TIMD4: variants seen among roughly 807,000 people sequenced by gnomAD.
The protein encoded by TIMD4 is T cell immunoglobulin and mucin domain containing 4.
In TIMD4, 31 loss-of-function variants were observed where a neutral mutation model predicts 41.2. That is an observed-to-expected ratio of 0.75 (90% CI 0.57 to 1.01). The LOEUF (loss-of-function observed/expected upper bound fraction) is 1.01. TIMD4 is among the 50% of genes least tolerant of loss of function. The pLI is 0.00. For missense variants in TIMD4, 479 were observed against 472.5 expected, an observed-to-expected ratio of 1.01 and a Z score of -0.13; for synonymous variants, 204 against 177.1, an observed-to-expected ratio of 1.15 and a Z score of -1.21.
At chr5:156,955,799 T>G (rs1248440870) in intron 1 of TIMD4, among the ~76,000 whole-genome samples, 2 of 152,234 alleles carry the variant, frequency 1.3e-5, no homozygotes, top group African/African-American at 2.4e-5. Context: ...TTGTTTGCTG[T>G]TAGATAATAT....
chr5:156,923,857 A>G (rs1287794341), intron 6 of TIMD4, among the ~76,000 whole-genome samples: 1 of 151,776 alleles, frequency 6.6e-6, no homozygotes, highest in African/African-American at 2.4e-5. Flanking sequence ...ATTTTGTTTG[A>G]GACAGGGTCT....
At chr5:156,949,418 C>CCCTCCTCCTCCT (rs150412627) in intron 4 of TIMD4, among the ~76,000 whole-genome samples, 2 of 146,102 alleles carry the variant, frequency 1.4e-5, no homozygotes, top group African/African-American at 5.1e-5. Flanking sequence ...TTCCCTACCT[C>CCCTCCTCCTCCT]CCTCCTCCTC....
intron 1 of TIMD4, among the ~76,000 whole-genome samples, chr5:156,956,603 C>T (rs1759974327): frequency 6.6e-6 from 1 of 152,210 alleles, no homozygotes; most frequent in African/African-American, 2.4e-5. Context: ...TAGACAAGCT[C>T]CTCTAAGATT....
rs554889757 is a variant in TIMD4, at chr5:156,960,305, G to C, written c.58+2836C>G. Among the ~76,000 whole-genome samples the C allele has an allele frequency of 4.6e-5, 7 of 151,598 alleles. No individual in the cohort carries two copies. The East Asian group carries it at 1.2e-3, about 25-fold the overall frequency. On this transcript the variant is annotated intron_variant, in intron 1 of 8. Coordinates refer to ENST00000274532, the MANE Select transcript of TIMD4 (RefSeq NM_138379.3). ...AAAAAAATTGATGAAAAGGCAGATG[G>C]TAGCTTTCTTACATCCAAACAAACC...
intron 1 of TIMD4, among the ~76,000 whole-genome samples, chr5:156,960,995 A>G (rs1050886046): frequency 6.6e-6 from 1 of 152,268 alleles, no homozygotes; most frequent in Non-Finnish European, 1.5e-5. Flanking sequence ...TACGGAGGAA[A>G]GAAAGGCAGA....
intron 5 of TIMD4, among the ~76,000 whole-genome samples, chr5:156,946,602 G>C (rs540093164): frequency 2.0e-5 from 3 of 151,432 alleles, no homozygotes; most frequent in Non-Finnish European, 4.4e-5. Flanking sequence ...TCAGCCTCTC[G>C]AGTAGCTAGG....
intron 6 of TIMD4, among the ~76,000 whole-genome samples, chr5:156,922,975 T>A (rs1308463255): frequency 6.6e-5 from 10 of 152,224 alleles, no homozygotes; most frequent in Admixed American, 6.5e-5. Flanking sequence ...TTAAATAAAT[T>A]GATTTTTTTA....
rs552321097 is a variant in TIMD4 at position 156,920,882 on chromosome 5, A to G, written c.1013-379T>C. Among the ~76,000 whole-genome samples the G allele has an allele frequency of 9.8e-5, 15 of 152,338 alleles. No individual in the cohort carries two copies. In the East Asian group the frequency reaches 2.9e-3, roughly 29 times the overall value. ...AAGGCTAACAGCAGGATTCCAGTAA[A>G]TTTTAAATTTGCTTTTGCACCTGGG... On this transcript the variant is annotated intron_variant, in intron 7 of 8. Coordinates refer to ENST00000274532, the MANE Select transcript of TIMD4 (RefSeq NM_138379.3).
At chr5:156,921,572 T>C (rs1345748356) in intron 7 of TIMD4, among the ~76,000 whole-genome samples, 1 of 123,896 alleles carries the variant, frequency 8.1e-6, no homozygotes, top group Non-Finnish European at 1.6e-5. Flanking sequence ...TAAGCTGAGA[T>C]CACGCCACTG....
intron 5 of TIMD4, among the ~76,000 whole-genome samples, chr5:156,928,028 G>A (rs1051876260): frequency 4.6e-5 from 7 of 152,122 alleles, no homozygotes; most frequent in Admixed American, 1.3e-4. Context: ...AATCTGGCCC[G>A]GGCACAGTGG....
intron 5 of TIMD4, among the ~76,000 whole-genome samples, chr5:156,937,639 C>G (rs138695550): frequency 2.0e-5 from 3 of 152,120 alleles, no homozygotes; most frequent in Non-Finnish European, 2.9e-5. Flanking sequence ...ATGGACATAC[C>G]TCTTTTAAAG....
At chr5:156,953,351 T>A (rs1759899642) in intron 2 of TIMD4, among the ~76,000 whole-genome samples, 1 of 151,892 alleles carries the variant, frequency 6.6e-6, no homozygotes, top group Admixed American at 6.6e-5. Context: ...TGCGTTAGAG[T>A]CACCTGAAAA....
chr5:156,958,291 GAGAA>G (rs921315907), intron 1 of TIMD4, among the ~76,000 whole-genome samples: 2 of 131,556 alleles, frequency 1.5e-5, no homozygotes, highest in African/African-American at 2.8e-5. Context: ...GAAAGAAAGA[GAGAA>G]AGAAAGAAAG....
In TIMD4 at chr5:156,919,322, A is replaced by G. The variant is rs1319705530; in HGVS notation, c.*135T>C. 2.6e-6 allele frequency: 2 copies of G among 763,492 alleles called. No homozygotes were observed. The highest frequency in any genetic ancestry group is 3.5e-5 in the African/African-American group (2 of 56,548). The allele number at this position is 763,492 out of a possible 1,614,324, so 47.3% of individuals were successfully genotyped here. On this transcript the variant is annotated 3_prime_UTR_variant, in exon 9 of 9. Transcript: ENST00000274532. ...GTCTCTAAAGTACCCTTCATTCATG[A>G]AACTAAAGCAAGCCTGGATCAATGA...
At chr5:156,920,604 G>T in intron 7 of TIMD4, 101 bp from the exon 8 acceptor site, 2 of 1,238,912 alleles carry the variant, frequency 1.6e-6, no homozygotes, top group Non-Finnish European at 2.4e-6. Context: ...AGCAGATATG[G>T]GCCAAAGGTG....
At chr5:156,957,999 C>T (rs567079705) in intron 1 of TIMD4, among the ~76,000 whole-genome samples, 5 of 152,134 alleles carry the variant, frequency 3.3e-5, no homozygotes, top group African/African-American at 1.2e-4. Context: ...TCTGGCCGGG[C>T]GCGGTGGCTC....
chr5:156,951,822 A>C, intron 2 of TIMD4, 32 bp from the exon 3 acceptor site: 1 of 1,611,186 alleles, frequency 6.2e-7, no homozygotes. Flanking sequence ...TTTGGCACCA[A>C]GCGGAGATGG....
intron 5 of TIMD4, among the ~76,000 whole-genome samples, chr5:156,940,663 G>A (rs1355083819): frequency 2.6e-5 from 4 of 151,830 alleles, no homozygotes; most frequent in African/African-American, 9.7e-5. Context: ...TGGGAGGTGA[G>A]GAGCGCCTCT....
At chr5:156,955,520 G>C (rs529494872) in intron 1 of TIMD4, among the ~76,000 whole-genome samples, 1 of 152,224 alleles carries the variant, frequency 6.6e-6, no homozygotes, top group South Asian at 2.1e-4. Context: ...GCCGGGCGTG[G>C]TGGCAGGCGC....
Sources: allele counts gnomAD v4.1 joint callset (sites outside exome capture counted in the v4.1 genomes callset), GRCh38; gene constraint gnomAD v4.1.1; transcripts MANE v1.5; gene names NCBI Gene and HGNC (gene_info 2026-07-23, HGNC 2026-07-21).